HIRA: variants seen among roughly 807,000 people sequenced by gnomAD.
HIRA encodes protein HIRA.
A neutral mutation model predicts 126.6 loss-of-function variants in HIRA; 13 were observed. The observed-to-expected ratio is 0.10, with a 90% CI of 0.07 to 0.16. The LOEUF (loss-of-function observed/expected upper bound fraction) is 0.16, where lower values mean the gene tolerates loss of function less well. HIRA is among the 10% of genes least tolerant of loss of function. The pLI is 1.00. For missense variants in HIRA, 834 were observed against 1,314.4 expected (o/e 0.63, Z 5.65); for synonymous variants, 511 against 520.0 (o/e 0.98, Z 0.24).
intron 5 of HIRA, among the ~76,000 whole-genome samples, chr22:19,401,802 C>A (rs1485558020): frequency 5.3e-5 from 8 of 152,150 alleles, no homozygotes; most frequent in Admixed American, 1.3e-4. Context: ...TTCGGAGCGG[C>A]TCCTTTACTA....
intron 17 of HIRA, 21 bp from the exon 18 acceptor site, chr22:19,359,505 G>C: frequency 6.3e-7 from 1 of 1,580,118 alleles, no homozygotes; most frequent in Non-Finnish European, 8.6e-7. Context: ...TAAACACACG[G>C]GTCTGCTCAG....
intron 24 of HIRA, among the ~76,000 whole-genome samples, chr22:19,350,701 C>T (rs1210842171): frequency 6.6e-6 from 1 of 152,066 alleles, no homozygotes; most frequent in African/African-American, 2.4e-5. Flanking sequence ...AAGAAGAAAA[C>T]GCTAGCTCCT....
rs1266439157 is a variant in HIRA, at chr22:19,362,075, GA to G, written c.1776-145del. On this transcript the variant is annotated intron_variant, in intron 15 of 24. Transcript: ENST00000263208. ...GAAATTATGCCTCAAAAGTAAAGGA[GA>G]AATAATGACTTTGTCAGACAAAAAT... 8.3e-6 allele frequency: 6 copies of G among 719,296 alleles called. No individual in the cohort carries two copies. In the East Asian group the frequency reaches 1.6e-4, roughly 19 times the overall value. The allele number at this position is 719,296 out of a possible 1,614,324, so 44.6% of individuals were successfully genotyped here.
At chr22:19,408,050 G>A (rs2089321846) in intron 3 of HIRA, among the ~76,000 whole-genome samples, 1 of 152,186 alleles carries the variant, frequency 6.6e-6, no homozygotes, top group Non-Finnish European at 1.5e-5. Flanking sequence ...TCTCAGGGGT[G>A]GGAAACTAAG....
At chr22:19,393,569 G>C (rs2089199719) in intron 8 of HIRA, among the ~76,000 whole-genome samples, 1 of 152,010 alleles carries the variant, frequency 6.6e-6, no homozygotes, top group African/African-American at 2.4e-5. Context: ...TGTTGGTCAG[G>C]CTGGTCTTGA....
chr22:19,338,869 G>A (rs782279225), intron 24 of HIRA, among the ~76,000 whole-genome samples: 26 of 152,188 alleles, frequency 1.7e-4, no homozygotes, highest in Non-Finnish European at 2.5e-4. Flanking sequence ...CAGTAACAGC[G>A]GGGACTTCAA....
At chr22:19,356,202 A>C in intron 20 of HIRA, 28 bp downstream of exon 20, 1 of 1,605,948 alleles carries the variant, frequency 6.2e-7, no homozygotes, top group Non-Finnish European at 8.5e-7. Flanking sequence ...CCCCCAAAAG[A>C]GTAGGGACAG....
chr22:19,402,015 G>A (rs2089272895), intron 5 of HIRA, among the ~76,000 whole-genome samples: 2 of 152,148 alleles, frequency 1.3e-5, no homozygotes, highest in East Asian at 1.9e-4. Context: ...GTAAGCACAT[G>A]TCCATGCTCC....
intron 9 of HIRA, among the ~76,000 whole-genome samples, chr22:19,391,489 T>C (rs1369585901): frequency 6.6e-6 from 1 of 151,214 alleles, no homozygotes; most frequent in South Asian, 2.1e-4. Context: ...TTTTCTTTTT[T>C]TTTTTTTTTT....
At chr22:19,419,913 A>C (rs1021276330) in intron 1 of HIRA, among the ~76,000 whole-genome samples, 1 of 152,088 alleles carries the variant, frequency 6.6e-6, no homozygotes, top group African/African-American at 2.4e-5. Context: ...TATCTCTACC[A>C]CTTTCGACCA....
In HIRA at chr22:19,385,734, G is replaced by A; in HGVS notation, c.1116C>T (p.Ser372=). ...LGDPLSEEEK[S]RIHQSTYGKS... ...TGCCATAGGTGGACTGGTGAATGCG[G>A]CTCTGGGGAAGCAAGGAGAGGCATG... Residue 372 remains serine, a splice_region_variant and synonymous_variant, in exon 12 of 25, where the codon AGC becomes AGT. Transcript: ENST00000263208. 1 of 1,612,884 alleles carries A rather than the reference G, an allele frequency of 6.2e-7. No individual in the cohort carries two copies. Among genetic ancestry groups the A allele is most frequent in the Non-Finnish European group, 8.5e-7 (1 of 1,179,522 alleles).
Position 19,431,588 on chromosome 22 carries a change from G to T in HIRA, c.-112C>A. On this transcript the variant is annotated 5_prime_UTR_variant, in exon 1 of 25. Transcript: ENST00000263208. ...CCGCGCCACCCGCCCTCCGGCCGCC[G>T]CCCGCCCCGCGCCCTCAGGGCCGCC... 1 of 929,100 alleles carries T rather than the reference G, an allele frequency of 1.1e-6. No individual in the cohort carries two copies. Among genetic ancestry groups the T allele is most frequent in the Non-Finnish European group, 1.3e-6 (1 of 780,630 alleles). 57.6% of individuals were successfully genotyped at this position (929,100 alleles called of 1,614,324 possible). A position where few individuals can be genotyped will look rare whatever the true frequency, so the allele number is the denominator to read the frequency against.
At chr22:19,399,098 C>T in intron 5 of HIRA, 2 of 984,334 alleles carry the variant, frequency 2.0e-6, no homozygotes, top group Non-Finnish European at 2.4e-6. Flanking sequence ...CGATGAGGGT[C>T]CGCTGTGACG....
intron 15 of HIRA, among the ~76,000 whole-genome samples, chr22:19,366,403 C>A (rs2088913861): frequency 1.3e-5 from 2 of 152,200 alleles, no homozygotes; most frequent in South Asian, 4.1e-4. Context: ...TCAGATTCCT[C>A]TGGCAGATCT....
At chr22:19,410,583 A>C in intron 2 of HIRA, 133 bp downstream of exon 2, 1 of 704,236 alleles carries the variant, frequency 1.4e-6, no homozygotes, top group Non-Finnish European at 2.5e-6. Context: ...ACACATTATA[A>C]CTGTACATTT....
intron 1 of HIRA, among the ~76,000 whole-genome samples, chr22:19,422,171 T>TACACACACAC (rs763716204): frequency 1.9e-3 from 277 of 143,182 alleles, no homozygotes; most frequent in East Asian, 5.1e-3. Flanking sequence ...TGTTTATATA[T>TACACACACAC]ACACACACAC....
rs1199348493 is a variant in HIRA at position 19,405,881 on chromosome 22, C to T, written c.303-1G>A. 6.8e-7 allele frequency: 1 copy of T among 1,467,084 alleles called. No homozygotes were observed. Among genetic ancestry groups the T allele is most frequent in the Admixed American group, 2.3e-5 (1 of 42,768 alleles). The allele number at this position is 1,467,084 out of a possible 1,614,324, so 90.9% of individuals were successfully genotyped here. On this transcript the variant is annotated splice_acceptor_variant, in intron 4 of 24. Transcript: ENST00000263208. LOFTEE classifies it high-confidence loss of function. The stretch of plus-strand genomic sequence containing the variant: ...GAACACGGTGCTGGGGCCGATGTAC[C>T]TGTGTGAGAAAGGGGCCAAAAAGGC...
At chr22:19,408,732 T>A in intron 2 of HIRA, 139 bp from the exon 3 acceptor site, 1 of 573,190 alleles carries the variant, frequency 1.7e-6, no homozygotes, top group Non-Finnish European at 3.1e-6. Flanking sequence ...AGACTGAATT[T>A]AAATTACTAA....
intron 17 of HIRA, 23 bp downstream of exon 17, chr22:19,361,214 A>G: frequency 1.9e-6 from 3 of 1,559,300 alleles, no homozygotes; most frequent in Non-Finnish European, 2.7e-6. Context: ...CTGAGGGAGA[A>G]CTGGCAGGGT....
Sources: gnomAD v4.1 joint callset for allele counts (sites outside exome capture counted in the v4.1 genomes callset) on GRCh38, gnomAD v4.1.1 for gene constraint, MANE v1.5 for transcripts, NCBI Gene and HGNC (gene_info 2026-07-23, HGNC 2026-07-21) for gene names.